Variants in NAA25 observed in about 807,000 individuals in gnomAD.
NAA25 encodes the protein N-alpha-acetyltransferase 25, NatB auxiliary subunit.
A neutral mutation model predicts 132.5 loss-of-function variants in NAA25; 30 were observed. The observed-to-expected ratio is 0.23, with a 90% CI of 0.17 to 0.31. The LOEUF is 0.31. Ranked by LOEUF, NAA25 falls within the 10% of genes least tolerant of loss-of-function variation. The pLI is 1.00. For missense variants in NAA25, 771 were observed against 1,150.4 expected, an observed-to-expected ratio of 0.67 and a Z score of 4.77; for synonymous variants, 359 against 401.9, an observed-to-expected ratio of 0.89 and a Z score of 1.28.
At chr12:112,060,197 C>A in intron 13 of NAA25, 73 bp downstream of exon 13, 2 of 940,340 alleles carry the variant, frequency 2.1e-6, no homozygotes, top group Non-Finnish European at 1.7e-6. Flanking sequence ...TAAAATTAGT[C>A]TAATGAAAGA....
intron 4 of NAA25, among the ~76,000 whole-genome samples, chr12:112,087,143 G>A (rs2079069374): frequency 6.6e-6 from 1 of 151,948 alleles, no homozygotes; most frequent in Non-Finnish European, 1.5e-5. Flanking sequence ...GGCTCCTTCA[G>A]ATGTATGTAA....
intron 5 of NAA25, among the ~76,000 whole-genome samples, chr12:112,079,273 A>T (rs772363031): frequency 6.6e-5 from 10 of 152,176 alleles, no homozygotes; most frequent in Non-Finnish European, 1.2e-4. Flanking sequence ...GGTAGATATT[A>T]TGCTTATTTT....
chr12:112,079,548 A>G (rs1460199473), intron 5 of NAA25, among the ~76,000 whole-genome samples: 2 of 151,898 alleles, frequency 1.3e-5, no homozygotes, highest in Non-Finnish European at 2.9e-5. Context: ...AGGTCATGCC[A>G]CTGCACTCCA....
At chr12:112,033,426 C>A (rs1188765909) in intron 22 of NAA25, 47 bp from the exon 23 acceptor site, 23 of 1,510,434 alleles carry the variant, frequency 1.5e-5, no homozygotes, top group Non-Finnish European at 2.0e-5. Context: ...AAACATATTA[C>A]CCATATCTAC....
intron 10 of NAA25, among the ~76,000 whole-genome samples, chr12:112,069,426 C>T (rs542417738): frequency 6.6e-6 from 1 of 152,206 alleles, no homozygotes; most frequent in South Asian, 2.1e-4. Context: ...TCGCTTGAAC[C>T]GAGAAGGTGG....
intron 22 of NAA25, 107 bp downstream of exon 22, chr12:112,039,122 C>T (rs934392120): frequency 1.8e-6 from 1 of 560,450 alleles, no homozygotes; most frequent in African/African-American, 1.9e-5. Context: ...GTTGGAGAAG[C>T]TTGGCATATA....
intron 1 of NAA25, among the ~76,000 whole-genome samples, chr12:112,106,130 T>C (rs1412816175): frequency 6.6e-6 from 1 of 152,216 alleles, no homozygotes; most frequent in African/African-American, 2.4e-5. Context: ...CTAATCGCCT[T>C]AGAATTACTG....
intron 17 of NAA25, among the ~76,000 whole-genome samples, chr12:112,044,223 G>A (rs1241798642): frequency 1.3e-5 from 2 of 151,522 alleles, no homozygotes; most frequent in African/African-American, 2.4e-5. Context: ...CAGCTACCGC[G>A]CCTGGCCTCA....
chr12:112,072,847 T>C (rs972996279), intron 9 of NAA25, among the ~76,000 whole-genome samples: 3 of 151,484 alleles, frequency 2.0e-5, no homozygotes, highest in Non-Finnish European at 2.9e-5. Context: ...TGATGTGGGA[T>C]GATCACTTGA....
chr12:112,033,241 G>C lies in NAA25; in HGVS notation c.2788C>G (p.Leu930Val), dbSNP rs749161455. 5 of 1,607,494 alleles carry C rather than the reference G, an allele frequency of 3.1e-6. No individual in the cohort carries two copies. Among genetic ancestry groups the C allele is most frequent in the Middle Eastern group, 1.7e-4 (1 of 6,022 alleles). Residue 930 changes from leucine (L) to valine (V), a missense_variant, in exon 23 of 24, where the codon CTC becomes GTC. Coordinates refer to ENST00000261745, the MANE Select transcript of NAA25 (RefSeq NM_024953.4). ...LEELILEDTS[L>V]SPEERKFSKT... ...TGCCTACAATCTCTTACCGGTGAGAGAGAAGTGTCTTCTAAAATAAGTTCT... is the reference window on the plus strand; with the variant it reads ...TGCCTACAATCTCTTACCGGTGAGACAGAAGTGTCTTCTAAAATAAGTTCT...
chr12:112,029,406 A>T lies in NAA25; in HGVS notation c.*125T>A. The stretch of plus-strand genomic sequence containing the variant: ...AACACCTAAAAAAATTCACGATCAA[A>T]GTCCTTCATGCATTTTATGAGGAAG... On this transcript the variant is annotated 3_prime_UTR_variant, in exon 24 of 24. Coordinates refer to ENST00000261745, the MANE Select transcript of NAA25 (RefSeq NM_024953.4). 346 of 1,357,434 alleles carry T rather than the reference A, an allele frequency of 2.5e-4. No homozygotes were observed. Among genetic ancestry groups the T allele is most frequent in the Middle Eastern group, 5.7e-4 (3 of 5,256 alleles). 84.1% of individuals were successfully genotyped at this position (1,357,434 alleles called of 1,614,324 possible).
chr12:112,069,669 A>G (rs2078773698), intron 10 of NAA25, among the ~76,000 whole-genome samples: 1 of 151,448 alleles, frequency 6.6e-6, no homozygotes, highest in Non-Finnish European at 1.5e-5. Context: ...AAAAATACAA[A>G]ATTAGCTGGA....
At chr12:112,033,657 C>T (rs1007523763) in intron 22 of NAA25, 2 of 214,458 alleles carry the variant, frequency 9.3e-6, no homozygotes, top group African/African-American at 2.3e-5. Context: ...GCAATCATGA[C>T]ACTGACAGCT....
intron 6 of NAA25, 27 bp from the exon 7 acceptor site, chr12:112,078,293 AC>A: frequency 1.4e-6 from 2 of 1,473,882 alleles, no homozygotes; most frequent in Middle Eastern, 1.8e-4. Flanking sequence ...AAGAAGTGCA[AC>A]CTCTGAAACT....
chr12:112,032,331 C>T (rs2078161093), intron 23 of NAA25, among the ~76,000 whole-genome samples: 1 of 152,106 alleles, frequency 6.6e-6, no homozygotes, highest in East Asian at 1.9e-4. Context: ...CCACAGTAAG[C>T]ACTCTGTTCA....
intron 4 of NAA25, among the ~76,000 whole-genome samples, chr12:112,083,172 A>G (rs2078996837): frequency 6.6e-6 from 1 of 152,128 alleles, no homozygotes; most frequent in South Asian, 2.1e-4. Context: ...ATCAAATAGA[A>G]AAGAAACCTG....
chr12:112,108,455 G>A (rs2079398001), intron 1 of NAA25, among the ~76,000 whole-genome samples: 2 of 152,162 alleles, frequency 1.3e-5, no homozygotes, highest in Admixed American at 6.5e-5. Context: ...GCAGAACCAC[G>A]CGTCCCACGG....
In NAA25 at chr12:112,030,210, CAAAAAAAAAA is replaced by C. The variant is rs67757055; in HGVS notation, c.2797-567_2797-558del. On this transcript the variant is annotated intron_variant, in intron 23 of 23. Transcript: ENST00000261745. ...CCTGGGCGACAGAGTAAAGCTGTCT[CAAAAAAAAAA>C]AAAAAAAAAAAAAAAAATTAGAAGA... 2.2e-4 allele frequency among the ~76,000 whole-genome samples: 12 copies of C among 53,398 alleles called. No homozygotes were observed. The South Asian group carries it at 3.6e-3, about 16-fold the overall frequency. 35.0% of individuals were successfully genotyped at this position (53,398 alleles called of 152,430 possible). A position where few individuals can be genotyped will look rare whatever the true frequency, so the allele number is the denominator to read the frequency against.
intron 9 of NAA25, among the ~76,000 whole-genome samples, chr12:112,072,327 G>T (rs999225751): frequency 3.3e-5 from 5 of 152,142 alleles, no homozygotes; most frequent in Non-Finnish European, 7.3e-5. Context: ...ATACTGCCTG[G>T]CTGGGCGTGG....
Sources: gnomAD v4.1 joint callset for allele counts (sites outside exome capture counted in the v4.1 genomes callset) on GRCh38, gnomAD v4.1.1 for gene constraint, MANE v1.5 for transcripts, NCBI Gene and HGNC (gene_info 2026-07-23, HGNC 2026-07-21) for gene names.